The following PALLD variants were observed in gnomAD, a reference collection of about 807,000 sequenced individuals.
PALLD encodes the protein palladin, cytoskeletal associated protein.
A neutral mutation model predicts 123.5 loss-of-function variants in PALLD; 61 were observed. The ratio of observed to expected loss-of-function variants is 0.49; its 90% CI spans 0.40 to 0.61. The LOEUF is 0.61. Ranked by LOEUF, PALLD falls within the 20% of genes least tolerant of loss-of-function variation. The pLI, the probability that PALLD is intolerant of heterozygous loss-of-function variation, is 0.00. For missense variants in PALLD, 1,273 were observed against 1,377.0 expected, an observed-to-expected ratio of 0.92 and a Z score of 1.20; for synonymous variants, 465 against 496.4, an observed-to-expected ratio of 0.94 and a Z score of 0.84.
intron 10 of PALLD, among the ~76,000 whole-genome samples, chr4:168,763,773 T>C (rs1733279634): frequency 1.3e-5 from 2 of 152,160 alleles, no homozygotes; most frequent in Non-Finnish European, 2.9e-5. Flanking sequence ...CAGCATCAGG[T>C]TCAGAAATCC....
rs74516052 is a variant in PALLD, at chr4:168,804,775, C to T, written c.1965-86147C>T. Among the ~76,000 whole-genome samples the T allele has an allele frequency of 3.6e-4, 55 of 152,280 alleles. No individual in the cohort carries two copies. The East Asian group carries it at 9.4e-3, about 26-fold the overall frequency. ...TCCTAAAAGAAATTGTTCTTTTCAC[C>T]ACAAGAGTTATGTATTCAGAGTAAA... On this transcript the variant is annotated intron_variant, in intron 10 of 21. Coordinates refer to ENST00000505667, the MANE Select transcript of PALLD (RefSeq NM_001166108.2).
intron 10 of PALLD, among the ~76,000 whole-genome samples, chr4:168,865,488 G>A (rs1440948822): frequency 6.6e-6 from 1 of 152,136 alleles, no homozygotes; most frequent in Admixed American, 6.6e-5. Flanking sequence ...ATTGCTCTGA[G>A]TATCCAGATC....
chr4:168,727,400 C>T (rs1786699607), intron 10 of PALLD, among the ~76,000 whole-genome samples: 1 of 152,000 alleles, frequency 6.6e-6, no homozygotes, highest in Non-Finnish European at 1.5e-5. Flanking sequence ...TGTTTTTTGA[C>T]TTTTTAATAG....
intron 10 of PALLD, among the ~76,000 whole-genome samples, chr4:168,756,878 C>T (rs964858858): frequency 2.6e-5 from 4 of 152,140 alleles, no homozygotes; most frequent in African/African-American, 7.2e-5. Flanking sequence ...TTCTAAGAAC[C>T]GGCCTTGAAG....
intron 10 of PALLD, among the ~76,000 whole-genome samples, chr4:168,735,201 C>A (rs1476699128): frequency 1.3e-5 from 2 of 152,120 alleles, no homozygotes; most frequent in Non-Finnish European, 2.9e-5. Context: ...TGTGCTGTCC[C>A]CATTGGCAGA....
intron 2 of PALLD, among the ~76,000 whole-genome samples, chr4:168,573,192 T>A (rs1410070073): frequency 1.3e-5 from 2 of 151,768 alleles, no homozygotes; most frequent in Non-Finnish European, 2.9e-5. Context: ...TTTTCCTAGA[T>A]CTTCTCATGA....
chr4:168,694,385 C>G (rs904406260), intron 8 of PALLD, among the ~76,000 whole-genome samples: 2 of 152,076 alleles, frequency 1.3e-5, no homozygotes, highest in African/African-American at 4.8e-5. Context: ...CTGTCTCTTC[C>G]TACCCTCTTC....
At chr4:168,554,551 T>C (rs1293878639) in intron 2 of PALLD, among the ~76,000 whole-genome samples, 1 of 152,378 alleles carries the variant, frequency 6.6e-6, no homozygotes, top group East Asian at 1.9e-4. Context: ...TTTTTAGAAT[T>C]GTTTAAAACA....
At chr4:168,709,538 GGAA>G in intron 9 of PALLD, among the ~76,000 whole-genome samples, 98 of 646 alleles carry the variant, frequency 0.15, 11 homozygotes, top group African/African-American at 0.37. Context: ...AAGGAAGGAA[GGAA>G]GGAAGGAAGG....
chr4:168,547,218 G>A (rs1561232984), intron 2 of PALLD, among the ~76,000 whole-genome samples: 1 of 152,136 alleles, frequency 6.6e-6, no homozygotes, highest in Non-Finnish European at 1.5e-5. Context: ...TGGGTGTGTG[G>A]CAAGCACCCG....
intron 13 of PALLD, chr4:168,897,946 T>TG (rs1438866521): frequency 2.7e-5 from 4 of 150,538 alleles, no homozygotes; most frequent in South Asian, 2.1e-4. Flanking sequence ...TTGTTAGAGG[T>TG]GGGGGAAAAA....
rs1324020366 is a variant in PALLD at position 168,924,303 on chromosome 4, C to T, written c.3107C>T (p.Thr1036Ile). Residue 1036 changes from threonine (T) to isoleucine (I), a missense_variant, in exon 19 of 22, where the codon ACA becomes ATA. Physicochemically the swap from Thr to Ile is moderately conservative, Grantham distance 89. This residue lies in a region of PALLD where 329 missense variants were observed against 422.5 expected (regional missense o/e 0.78). Transcript: ENST00000505667. ...PPVFIEKLQN[T>I]GVADGYPVRL... ...GTGTTTATTGAGAAGCTCCAAAACACAGGAGTTGCTGATGGGTACCCAGTG... is the reference window on the plus strand; with the variant it reads ...GTGTTTATTGAGAAGCTCCAAAACATAGGAGTTGCTGATGGGTACCCAGTG... 4 of 1,613,960 alleles carry T rather than the reference C, an allele frequency of 2.5e-6. No individual in the cohort carries two copies. The highest frequency in any genetic ancestry group is 1.3e-5 in the African/African-American group (1 of 75,012).
chr4:168,613,609 G>A (rs1773941521), intron 2 of PALLD, among the ~76,000 whole-genome samples: 1 of 152,216 alleles, frequency 6.6e-6, no homozygotes, highest in Non-Finnish European at 1.5e-5. Context: ...ATATTGAGAG[G>A]AAAGTAGTGG....
In PALLD at chr4:168,712,103, A is replaced by G. The variant is rs1784888734; in HGVS notation, c.1964+180A>G. ...AGACACCTAAAAATAAAGAAGGGAA[A>G]TGAAAAGCTTGGTGAAATCTGCCCT... On this transcript the variant is annotated intron_variant, in intron 10 of 21. Coordinates refer to ENST00000505667, the MANE Select transcript of PALLD (RefSeq NM_001166108.2). The G allele has an allele frequency of 2.0e-5, 13 of 636,878 alleles. No individual in the cohort carries two copies. The Admixed American group carries it at 2.3e-4, about 11-fold the overall frequency. The allele number at this position is 636,878 out of a possible 1,614,324, so 39.5% of individuals were successfully genotyped here. A position where few individuals can be genotyped will look rare whatever the true frequency, so the allele number is the denominator to read the frequency against.
intron 2 of PALLD, among the ~76,000 whole-genome samples, chr4:168,594,775 GA>G (rs1771813269): frequency 1.3e-5 from 2 of 152,108 alleles, no homozygotes; most frequent in Non-Finnish European, 2.9e-5. Context: ...TTGTGTCAGT[GA>G]TATCCTTGTA....
At chr4:168,801,036 A>G (rs1739250517) in intron 10 of PALLD, among the ~76,000 whole-genome samples, 1 of 152,242 alleles carries the variant, frequency 6.6e-6, no homozygotes, top group South Asian at 2.1e-4. Flanking sequence ...TTCCACTGAT[A>G]TAAAGCTGAA....
At chr4:168,718,476 TA>T (rs748191018) in intron 10 of PALLD, among the ~76,000 whole-genome samples, 62 of 152,348 alleles carry the variant, frequency 4.1e-4, no homozygotes, top group Non-Finnish European at 7.5e-4. Context: ...CCTGTAGACT[TA>T]AATCATCCGT....
intron 10 of PALLD, among the ~76,000 whole-genome samples, chr4:168,817,350 A>G (rs534278246): frequency 6.6e-6 from 1 of 152,346 alleles, no homozygotes; most frequent in East Asian, 1.9e-4. Flanking sequence ...CCAAGAACCA[A>G]CAGAAATATC....
intron 2 of PALLD, among the ~76,000 whole-genome samples, chr4:168,575,508 T>A (rs1769473387): frequency 6.6e-6 from 1 of 152,000 alleles, no homozygotes; most frequent in Non-Finnish European, 1.5e-5. Context: ...GGGATTATAA[T>A]TTGAGATGAG....
Sources: gnomAD v4.1 joint callset for allele counts (sites outside exome capture counted in the v4.1 genomes callset) on GRCh38, gnomAD v4.1.1 for gene constraint, gnomAD v4.1.1 regional missense constraint, MANE v1.5 for transcripts, NCBI Gene and HGNC (gene_info 2026-07-23, HGNC 2026-07-21) for gene names.